PRH1: variants seen among roughly 807,000 people sequenced by gnomAD.
PRH1 encodes the protein proline rich protein HaeIII subfamily 1, also known as salivary acidic proline-rich phosphoprotein 1/2.
In PRH1, 7 loss-of-function variants were observed where a neutral mutation model predicts 7.9. The ratio of observed to expected loss-of-function variants is 0.89; its 90% CI spans 0.50 to 1.67. PRH1 has a LOEUF of 1.67. Ranked by LOEUF, PRH1 falls within the 40% of genes most tolerant of loss-of-function variation. PRH1 has a pLI of 0.00. For missense variants in PRH1, 109 were observed against 223.6 expected (o/e 0.49, Z 3.27); for synonymous variants, 45 against 80.8 (o/e 0.56, Z 2.38).
chr12:11,065,521 C>A (rs77315274), intron 1 of PRH1, among the ~76,000 whole-genome samples: 1 of 151,308 alleles, frequency 6.6e-6, no homozygotes, highest in Middle Eastern at 3.2e-3. Context: ...TCATTCTGGG[C>A]AGTTATCTTC....
chr12:11,039,357 A>G (rs1591866685), intron 1 of PRH1, among the ~76,000 whole-genome samples: 1 of 152,276 alleles, frequency 6.6e-6, no homozygotes, highest in African/African-American at 2.4e-5. Context: ...GATGTAATCA[A>G]TGCTCTCTTT....
intron 2 of PRH1, among the ~76,000 whole-genome samples, chr12:10,951,651 T>A (rs1319098944): frequency 6.6e-6 from 1 of 152,196 alleles, no homozygotes; most frequent in Non-Finnish European, 1.5e-5. Flanking sequence ...CTTAGGCTTT[T>A]AAGGAAGTCA....
rs1057053239 is a variant in PRH1, at chr12:11,150,226, T to C, written n.39+21196A>G. 7.5e-4 allele frequency among the ~76,000 whole-genome samples: 113 copies of C among 151,444 alleles called. 1 individual carries two copies. Among genetic ancestry groups the C allele is most frequent in the Non-Finnish European group, 4.3e-4 (29 of 67,568 alleles). Reference sequence around the variant, plus strand: ...AACACTTTTACACTGTTGGTGGGACTGTAAACTAGTTCAACCATTGTGGAA... The same window carrying C: ...AACACTTTTACACTGTTGGTGGGACCGTAAACTAGTTCAACCATTGTGGAA... On this transcript the variant is annotated intron_variant and non_coding_transcript_variant, in intron 1 of 1. Coordinates refer to the PRH1 transcript ENST00000541175.
chr12:11,133,342 C>G, intron 1 of PRH1: 1 of 1,613,126 alleles, frequency 6.2e-7, no homozygotes, highest in Non-Finnish European at 8.5e-7. Context: ...TTCTGTCTTT[C>G]ACCCAGTACC....
chr12:11,020,364 AT>A (rs1565557223), intron 1 of PRH1, among the ~76,000 whole-genome samples: 1,687 of 132,914 alleles, frequency 0.013, 61 homozygotes, highest in East Asian at 0.048. Flanking sequence ...ATGATAAGCG[AT>A]ATATATATAT....
At chr12:11,043,322 C>T (rs187559252) in intron 1 of PRH1, among the ~76,000 whole-genome samples, 3 of 152,184 alleles carry the variant, frequency 2.0e-5, no homozygotes, top group Non-Finnish European at 2.9e-5. Context: ...TATAGAAAGA[C>T]CCACAACTAG....
intron 2 of PRH1, among the ~76,000 whole-genome samples, chr12:10,959,961 G>A (rs575684348): frequency 1.1e-3 from 171 of 152,280 alleles, no homozygotes; most frequent in African/African-American, 3.8e-3. Flanking sequence ...AATAAAATCA[G>A]AAGAGGGCAG....
chr12:11,073,503 G>A (rs1944169869), intron 1 of PRH1, among the ~76,000 whole-genome samples: 2 of 150,498 alleles, frequency 1.3e-5, no homozygotes, highest in Non-Finnish European at 3.0e-5. Flanking sequence ...GAGAAGCACA[G>A]TGTTTATTGA....
chr12:11,085,856 T>A (rs937332927), intron 1 of PRH1, among the ~76,000 whole-genome samples: 2 of 119,892 alleles, frequency 1.7e-5, no homozygotes, highest in Non-Finnish European at 4.0e-5. Context: ...TTTTCCAAAC[T>A]AATACATAGA....
At chr12:10,956,154 T>A (rs1386366516) in intron 2 of PRH1, among the ~76,000 whole-genome samples, 3 of 151,336 alleles carry the variant, frequency 2.0e-5, no homozygotes, top group African/African-American at 7.3e-5. Context: ...TCAATAAACA[T>A]AGATTTAAAA....
intron 2 of PRH1, among the ~76,000 whole-genome samples, chr12:10,941,985 A>C (rs1950408718): frequency 6.6e-6 from 1 of 151,966 alleles, no homozygotes; most frequent in Non-Finnish European, 1.5e-5. Context: ...AGTAATTGTT[A>C]TCTCTCTTCT....
At chr12:10,986,089 C>G in intron 1 of PRH1, 1 of 1,614,064 alleles carries the variant, frequency 6.2e-7, no homozygotes, top group Non-Finnish European at 8.5e-7. Flanking sequence ...ACAACCGGGT[C>G]ATTCCGCAGC....
intron 1 of PRH1, among the ~76,000 whole-genome samples, chr12:11,150,803 TA>T (rs1947058042): frequency 6.6e-6 from 1 of 152,212 alleles, no homozygotes; most frequent in South Asian, 2.1e-4. Context: ...ACATGTACCC[TA>T]AAACTTAAAG....
intron 3 of PRH1, 74 bp downstream of exon 3, chr12:10,882,143 G>A (rs1456558551): frequency 1.3e-5 from 21 of 1,589,084 alleles, no homozygotes; most frequent in Middle Eastern, 4.5e-4. Flanking sequence ...GGTTTTCAGA[G>A]GATTCATTGG....
At chr12:10,962,691 T>G (rs1938296124) in intron 2 of PRH1, among the ~76,000 whole-genome samples, 1 of 151,926 alleles carries the variant, frequency 6.6e-6, no homozygotes. Flanking sequence ...CTTCAAAATA[T>G]TTTTGGCTAT....
chr12:11,154,437 G>A (rs766665205), intron 1 of PRH1, among the ~76,000 whole-genome samples: 5 of 152,192 alleles, frequency 3.3e-5, no homozygotes, highest in Non-Finnish European at 5.9e-5. Flanking sequence ...TGACTCTTAA[G>A]TATACTCTTA....
intron 2 of PRH1, among the ~76,000 whole-genome samples, chr12:10,957,365 A>G (rs1361875894): frequency 6.6e-6 from 1 of 152,222 alleles, no homozygotes; most frequent in Non-Finnish European, 1.5e-5. Flanking sequence ...AGCCATGTGC[A>G]GAAGATGGAA....
chr12:11,160,485 T>G (rs7487822), intron 1 of PRH1, among the ~76,000 whole-genome samples: 19,292 of 64,570 alleles, frequency 0.3, 1,345 homozygotes, highest in Non-Finnish European at 0.38. Flanking sequence ...TTGTTTGTTT[T>G]TTTGAGACAG....
intron 1 of PRH1, among the ~76,000 whole-genome samples, chr12:11,086,076 G>A (rs74856443): frequency 0.35 from 28,779 of 82,006 alleles, 6,037 homozygotes; most frequent in Non-Finnish European, 0.46. Flanking sequence ...ATAACTTATT[G>A]TTAACAAGCT....
Sources: allele counts gnomAD v4.1 joint callset (sites outside exome capture counted in the v4.1 genomes callset), GRCh38; gene constraint gnomAD v4.1.1; transcripts MANE v1.5; gene names NCBI Gene and HGNC (gene_info 2026-07-23, HGNC 2026-07-21).